Variants in DDHD1 observed in about 807,000 individuals in gnomAD.
DDHD1 encodes DDHD domain containing 1, also known as phospholipase DDHD1.
In DDHD1, 49 loss-of-function variants were observed where a neutral mutation model predicts 96.4. That is an observed-to-expected ratio of 0.51 (90% CI 0.40 to 0.64). DDHD1 has a LOEUF of 0.64. Ranked by LOEUF, DDHD1 falls within the 30% of genes least tolerant of loss-of-function variation. DDHD1 has a pLI of 0.00. For missense variants in DDHD1, 1,106 were observed against 1,161.2 expected (o/e 0.95, Z 0.69); for synonymous variants, 442 against 446.5 (o/e 0.99, Z 0.13).
intron 4 of DDHD1, among the ~76,000 whole-genome samples, chr14:53,088,241 C>T (rs1036970672): frequency 1.3e-5 from 2 of 152,136 alleles, no homozygotes; most frequent in African/African-American, 4.8e-5. Flanking sequence ...TCCAGAGGTA[C>T]AAAGAGGAGC....
intron 1 of DDHD1, among the ~76,000 whole-genome samples, chr14:53,151,610 T>C (rs1566613363): frequency 6.6e-6 from 1 of 152,152 alleles, no homozygotes; most frequent in Non-Finnish European, 1.5e-5. Context: ...AGACGAGGCA[T>C]AGAAATGGTA....
Position 53,152,708 on chromosome 14 carries a change from C to G in DDHD1, c.391G>C (p.Gly131Arg), listed in dbSNP as rs1296317840. The stretch of plus-strand genomic sequence containing the variant: ...GACCCTCCTGTCGCGCCGCCGCCCC[C>G]CGAGTTCGTCGGGACCAGCGGAGGC... Reference protein sequence around the residue: ...QQPPLVPTNSGGGGATGGSPG... With the variant: ...QQPPLVPTNSRGGGATGGSPG... The change falls in exon 1 of 13, where the codon GGG becomes CGG. Residue 131 changes from glycine (G) to arginine (R), a missense_variant. Gly to Arg is a moderately radical substitution (Grantham distance 125, BLOSUM62 -2). This residue lies in a region of DDHD1 where 456 missense variants were observed against 402.4 expected (regional missense o/e 1.13). Transcript: ENST00000673822. The G allele has an allele frequency of 6.2e-7, 1 of 1,608,996 alleles. No individual in the cohort carries two copies. Among genetic ancestry groups the G allele is most frequent in the Admixed American group, 1.7e-5 (1 of 59,708 alleles).
At chr14:53,064,798 G>T (rs776211766) in intron 6 of DDHD1, among the ~76,000 whole-genome samples, 26 of 152,032 alleles carry the variant, frequency 1.7e-4, no homozygotes, top group Admixed American at 3.3e-4. Flanking sequence ...CAGACATTAT[G>T]ATTTTGAAAG....
intron 4 of DDHD1, among the ~76,000 whole-genome samples, chr14:53,086,711 A>G (rs1339434898): frequency 6.6e-6 from 1 of 152,200 alleles, no homozygotes; most frequent in African/African-American, 2.4e-5. Flanking sequence ...CAAATTGTAA[A>G]GACCATTGAT....
At chr14:53,065,017 C>A (rs1036504653) in intron 6 of DDHD1, among the ~76,000 whole-genome samples, 10 of 152,064 alleles carry the variant, frequency 6.6e-5, no homozygotes, top group Admixed American at 4.6e-4. Context: ...GACATCTCAG[C>A]CAAGATTAAC....
intron 1 of DDHD1, among the ~76,000 whole-genome samples, chr14:53,141,929 T>A (rs1383117874): frequency 2.6e-5 from 4 of 151,238 alleles, no homozygotes; most frequent in Non-Finnish European, 4.4e-5. Context: ...TTACCACGTA[T>A]TTTTTTTTAA....
In DDHD1 at chr14:53,042,980, T is replaced by G. The variant is rs1385589266; in HGVS notation, c.*3788A>C. 1 of 152,194 alleles carries G rather than the reference T, an allele frequency of 6.6e-6. No homozygotes were observed. The highest frequency in any genetic ancestry group is 1.9e-4 in the East Asian group (1 of 5,198). The allele number at this position is 152,194 out of a possible 1,614,324, so 9.4% of individuals were successfully genotyped here. On this transcript the variant is annotated 3_prime_UTR_variant, in exon 13 of 13. Coordinates refer to ENST00000673822, the MANE Select transcript of DDHD1 (RefSeq NM_001160148.2). ...AAGATAGAAATACCAATCTAATGGA[T>G]CAAAAAGAAATTTGTCTTCTACTAC...
At chr14:53,093,950 C>G (rs1269081139) in intron 2 of DDHD1, 1 of 153,304 alleles carries the variant, frequency 6.5e-6, no homozygotes, top group Non-Finnish European at 1.4e-5. Context: ...CCAAGGCAGG[C>G]GGATCACGAG....
chr14:53,128,269 G>A (rs1314415933), intron 1 of DDHD1, among the ~76,000 whole-genome samples: 1 of 152,182 alleles, frequency 6.6e-6, no homozygotes, highest in East Asian at 1.9e-4. Flanking sequence ...TGGAGACTAA[G>A]GATCTGTCTT....
At chr14:53,058,720 TA>T in intron 8 of DDHD1, 94 bp from the exon 9 acceptor site, 1 of 1,085,386 alleles carries the variant, frequency 9.2e-7, no homozygotes, top group Non-Finnish European at 1.3e-6. Flanking sequence ...AAAATACAAA[TA>T]ATAAAATATC....
At chr14:53,142,534 A>G (rs1181318201) in intron 1 of DDHD1, among the ~76,000 whole-genome samples, 8 of 152,090 alleles carry the variant, frequency 5.3e-5, no homozygotes, top group Non-Finnish European at 1.0e-4. Context: ...AGAAAACTGT[A>G]AAGTTCTCTA....
In DDHD1 at chr14:53,043,282, G is replaced by A. The variant is rs1012534054; in HGVS notation, c.*3486C>T. The A allele has an allele frequency of 2.6e-5, 4 of 152,166 alleles. No individual in the cohort carries two copies. Among genetic ancestry groups the A allele is most frequent in the African/African-American group, 4.8e-5 (2 of 41,440 alleles). 9.4% of individuals were successfully genotyped at this position (152,166 alleles called of 1,614,324 possible). A position where few individuals can be genotyped will look rare whatever the true frequency, so the allele number is the denominator to read the frequency against. ...AGCGTGAGTATTCAGCATGAAGCAT[G>A]TTCAGTGTGAGTACTTCAAAAGATA... On this transcript the variant is annotated 3_prime_UTR_variant, in exon 13 of 13. Coordinates refer to ENST00000673822, the MANE Select transcript of DDHD1 (RefSeq NM_001160148.2).
intron 8 of DDHD1, 32 bp downstream of exon 8, chr14:53,061,094 C>A: frequency 1.3e-6 from 2 of 1,577,214 alleles, no homozygotes; most frequent in East Asian, 2.2e-5. Context: ...ATACTGAGAT[C>A]AATGTTGAAG....
intron 8 of DDHD1, among the ~76,000 whole-genome samples, chr14:53,060,649 A>G (rs909221706): frequency 6.6e-6 from 1 of 152,138 alleles, no homozygotes; most frequent in African/African-American, 2.4e-5. Flanking sequence ...AATAGTAAAT[A>G]TTTCTCATCT....
intron 1 of DDHD1, among the ~76,000 whole-genome samples, chr14:53,111,874 T>TCCAC (rs1888133391): frequency 6.6e-6 from 1 of 152,182 alleles, no homozygotes; most frequent in African/African-American, 2.4e-5. Context: ...AAGCTAACTG[T>TCCAC]CCAATTGAAA....
intron 1 of DDHD1, among the ~76,000 whole-genome samples, chr14:53,146,801 A>C (rs911280381): frequency 1.3e-5 from 2 of 152,250 alleles, no homozygotes; most frequent in Non-Finnish European, 2.9e-5. Flanking sequence ...GCAAAAGAGT[A>C]GAACTGTAGA....
chr14:53,139,591 C>G (rs1890492557), intron 1 of DDHD1, among the ~76,000 whole-genome samples: 1 of 152,064 alleles, frequency 6.6e-6, no homozygotes, highest in Admixed American at 6.5e-5. Flanking sequence ...CAAGGTGTGC[C>G]TTGAGAATTA....
At chr14:53,093,510 T>C (rs1005420215) in intron 2 of DDHD1, 66 bp from the exon 3 acceptor site, 3 of 1,566,384 alleles carry the variant, frequency 1.9e-6, no homozygotes, top group Admixed American at 2.0e-5. Flanking sequence ...TGAAGAATTA[T>C]AACACTCAGA....
intron 1 of DDHD1, among the ~76,000 whole-genome samples, chr14:53,121,394 C>A (rs897759385): frequency 1.3e-5 from 2 of 152,152 alleles, no homozygotes; most frequent in African/African-American, 4.8e-5. Flanking sequence ...GAAGCTAGAA[C>A]CAGAAATACC....
Sources: allele counts gnomAD v4.1 joint callset (sites outside exome capture counted in the v4.1 genomes callset), GRCh38; gene constraint gnomAD v4.1.1; regional missense constraint gnomAD v4.1.1; transcripts MANE v1.5; gene names NCBI Gene and HGNC (gene_info 2026-07-23, HGNC 2026-07-21).